CHCHD6: variants seen among roughly 807,000 people sequenced by gnomAD.
CHCHD6 encodes the protein coiled-coil-helix-coiled-coil-helix domain containing 6.
Under a neutral mutation model 32.3 loss-of-function variants are expected in CHCHD6, and 28 were observed. The ratio of observed to expected loss-of-function variants is 0.87; its 90% CI spans 0.64 to 1.19. The LOEUF is 1.19. Ranked by LOEUF, CHCHD6 falls within the 50% of genes most tolerant of loss-of-function variation. The pLI, the probability that CHCHD6 is intolerant of heterozygous loss-of-function variation, is 0.00. For synonymous variants in CHCHD6, 122 were observed against 117.5 expected (o/e 1.04, Z -0.25); for missense variants, 333 against 307.0 (o/e 1.08, Z -0.63).
chr3:126,887,250 TC>T, intron 5 of CHCHD6, among the ~76,000 whole-genome samples: 1 of 151,736 alleles, frequency 6.6e-6, no homozygotes, highest in African/African-American at 2.4e-5. Context: ...TTGCTGAGCA[TC>T]TTTTTTTTTT....
intron 4 of CHCHD6, among the ~76,000 whole-genome samples, chr3:126,802,621 C>T (rs545930727): frequency 9.2e-5 from 14 of 152,280 alleles, no homozygotes; most frequent in Non-Finnish European, 1.9e-4. Flanking sequence ...GAGAATGGAA[C>T]CAAGTTGGAA....
intron 5 of CHCHD6, among the ~76,000 whole-genome samples, chr3:126,887,928 A>G (rs1166865530): frequency 6.6e-6 from 1 of 151,854 alleles, no homozygotes; most frequent in Admixed American, 6.6e-5. Flanking sequence ...TGAGATAAGA[A>G]CTCCACTTTT....
chr3:126,957,317 G>A, intron 6 of CHCHD6, 99 bp from the exon 7 acceptor site: 1 of 1,388,946 alleles, frequency 7.2e-7, no homozygotes, highest in South Asian at 1.3e-5. Context: ...CAGGGACTTA[G>A]CCTAGCGCCT....
intron 6 of CHCHD6, among the ~76,000 whole-genome samples, chr3:126,937,909 A>T (rs1299126720): frequency 6.6e-6 from 1 of 152,148 alleles, no homozygotes; most frequent in Non-Finnish European, 1.5e-5. Context: ...TCCCAGGCCC[A>T]GGTGAGGATC....
At chr3:126,743,202 G>A (rs937997181) in intron 4 of CHCHD6, among the ~76,000 whole-genome samples, 2 of 152,178 alleles carry the variant, frequency 1.3e-5, no homozygotes, top group Non-Finnish European at 2.9e-5. Context: ...TTCTAGAATG[G>A]CCCTGCTGTA....
intron 4 of CHCHD6, among the ~76,000 whole-genome samples, chr3:126,753,235 G>T (rs1232810405): frequency 6.6e-6 from 1 of 152,184 alleles, no homozygotes; most frequent in East Asian, 1.9e-4. Flanking sequence ...TAACATATCA[G>T]TGGCTTGGAC....
chr3:126,894,808 C>T (rs1422629062), intron 5 of CHCHD6, among the ~76,000 whole-genome samples: 3 of 152,158 alleles, frequency 2.0e-5, no homozygotes, highest in African/African-American at 7.2e-5. Flanking sequence ...CCAGCATGTG[C>T]GACAGCAGGA....
At chr3:126,745,380 G>A (rs896159519) in intron 4 of CHCHD6, among the ~76,000 whole-genome samples, 9 of 152,116 alleles carry the variant, frequency 5.9e-5, no homozygotes, top group Non-Finnish European at 1.3e-4. Flanking sequence ...CATGTCAAAT[G>A]GCACACCTCT....
chr3:126,757,787 A>G (rs532275632), intron 4 of CHCHD6, among the ~76,000 whole-genome samples: 121 of 152,308 alleles, frequency 7.9e-4, no homozygotes, highest in Non-Finnish European at 1.2e-3. Context: ...CTCTGGGAGT[A>G]TGAGCCCAGG....
At chr3:126,852,503 T>C in intron 4 of CHCHD6, 144 bp from the exon 5 acceptor site, 1 of 615,988 alleles carries the variant, frequency 1.6e-6, no homozygotes, top group Non-Finnish European at 3.0e-6. Flanking sequence ...ATGTGAATGA[T>C]CTGGCATATC....
At chr3:126,915,544 T>G (rs925194145) in intron 6 of CHCHD6, among the ~76,000 whole-genome samples, 1 of 152,188 alleles carries the variant, frequency 6.6e-6, no homozygotes, top group Non-Finnish European at 1.5e-5. Flanking sequence ...ACCAACTCCA[T>G]CCACTTCCTG....
At chr3:126,732,740 A>C (rs73199894) in intron 3 of CHCHD6, among the ~76,000 whole-genome samples, 1 of 152,244 alleles carries the variant, frequency 6.6e-6, no homozygotes, top group Non-Finnish European at 1.5e-5. Flanking sequence ...CAAATCTTCA[A>C]GCTCTCAAGT....
At chr3:126,766,869 C>T (rs1937389378) in intron 4 of CHCHD6, 2 of 966,044 alleles carry the variant, frequency 2.1e-6, no homozygotes, top group Non-Finnish European at 3.4e-6. Flanking sequence ...CAAACAGCTT[C>T]ACCAGGTGGG....
intron 4 of CHCHD6, among the ~76,000 whole-genome samples, chr3:126,852,163 C>G (rs1467135410): frequency 6.6e-6 from 1 of 152,200 alleles, no homozygotes; most frequent in Non-Finnish European, 1.5e-5. Context: ...CATAAAGACA[C>G]CAAGGCCAGC....
At chr3:126,851,225 T>C (rs1401098389) in intron 4 of CHCHD6, among the ~76,000 whole-genome samples, 1 of 152,222 alleles carries the variant, frequency 6.6e-6, no homozygotes, top group Non-Finnish European at 1.5e-5. Context: ...TGGTCAGCTC[T>C]TATTACAGAC....
intron 5 of CHCHD6, among the ~76,000 whole-genome samples, chr3:126,879,145 C>G (rs889560111): frequency 6.6e-6 from 1 of 152,142 alleles, no homozygotes; most frequent in African/African-American, 2.4e-5. Flanking sequence ...TGCAGTCTAG[C>G]CTTGTTGATT....
intron 4 of CHCHD6, among the ~76,000 whole-genome samples, chr3:126,757,839 G>A (rs1937021187): frequency 1.3e-5 from 2 of 152,094 alleles, no homozygotes; most frequent in South Asian, 4.2e-4. Flanking sequence ...GAATTTTTGG[G>A]TGTCAGCAAC....
intron 1 of CHCHD6, among the ~76,000 whole-genome samples, chr3:126,710,367 C>A (rs745884754): frequency 6.6e-6 from 1 of 152,072 alleles, no homozygotes; most frequent in South Asian, 2.1e-4. Context: ...AAAATTGGGA[C>A]GTGTAAGGCC....
chr3:126,909,196 G>T (rs1161417707), intron 5 of CHCHD6, among the ~76,000 whole-genome samples: 1 of 152,202 alleles, frequency 6.6e-6, no homozygotes. Flanking sequence ...TCCAAAAGTT[G>T]CTCTCCCCAA....
Sources: gnomAD v4.1 joint callset for allele counts (sites outside exome capture counted in the v4.1 genomes callset) on GRCh38, gnomAD v4.1.1 for gene constraint, MANE v1.5 for transcripts, NCBI Gene and HGNC (gene_info 2026-07-23, HGNC 2026-07-21) for gene names.